UGDH: variants seen among roughly 807,000 people sequenced by gnomAD.
UGDH encodes the protein UDP-Glc dehydrogenase.
In UGDH, 38 loss-of-function variants were observed where a neutral mutation model predicts 50.6. That is an observed-to-expected ratio of 0.75 (90% CI 0.58 to 0.98). The LOEUF (loss-of-function observed/expected upper bound fraction) is 0.98. Ranked by LOEUF, UGDH falls within the 50% of genes least tolerant of loss-of-function variation. UGDH has a pLI of 0.00. For missense variants in UGDH, 465 were observed against 606.2 expected (o/e 0.77, Z 2.45); for synonymous variants, 168 against 199.9 (o/e 0.84, Z 1.35).
chr4:39,512,274 T>C (rs1414741463), intron 3 of UGDH, among the ~76,000 whole-genome samples: 1 of 152,214 alleles, frequency 6.6e-6, no homozygotes, highest in African/African-American at 2.4e-5. Context: ...CTCTCTTCTC[T>C]TGATGAGATT....
rs754095390 is a variant in UGDH, at chr4:39,505,280, T to G, written c.1128A>C (p.Ile376=). 1 of 1,603,280 alleles carries G rather than the reference T, an allele frequency of 6.2e-7. No individual in the cohort carries two copies. Residue 376 remains isoleucine (I), a synonymous_variant, in exon 9 of 12, where the codon ATA becomes ATC. Transcript: ENST00000316423. ...CACCTGGATGAGAAAGATCCACAAC[T>G]ATTTGTTCCCTAGGTACTTTTGGAT... The part of the protein sequence containing the change: ...IYDPKVPREQ[I]VVDLSHPGVS...
intron 11 of UGDH, among the ~76,000 whole-genome samples, chr4:39,502,146 C>G (rs760120639): frequency 2.0e-5 from 3 of 151,960 alleles, no homozygotes; most frequent in African/African-American, 7.3e-5. Context: ...ATGAGTAAAA[C>G]AGGAATGAGA....
chr4:39,524,166 C>G (rs1746783915), intron 1 of UGDH, among the ~76,000 whole-genome samples: 1 of 152,078 alleles, frequency 6.6e-6, no homozygotes, highest in Non-Finnish European at 1.5e-5. Flanking sequence ...AATCTCCTAG[C>G]CAAAAGGTTA....
intron 2 of UGDH, among the ~76,000 whole-genome samples, chr4:39,520,823 C>T (rs1278566475): frequency 6.6e-6 from 1 of 151,650 alleles, no homozygotes; most frequent in African/African-American, 2.4e-5. Context: ...CCTGTAATCC[C>T]AGCACTTTGG....
chr4:39,498,898 C>T lies in UGDH; in HGVS notation c.*1245G>A, dbSNP rs1745685689. On this transcript the variant is annotated 3_prime_UTR_variant, in exon 12 of 12. Coordinates refer to ENST00000316423, the MANE Select transcript of UGDH (RefSeq NM_003359.4). ...CCTGGGATGTTTAATGCAAACTGTA[C>T]ATTCTCAGCAGAGCACAAGTATCAA... The T allele has an allele frequency of 6.6e-6, 1 of 152,102 alleles. No individual in the cohort carries two copies. The highest frequency in any genetic ancestry group is 2.4e-5 in the African/African-American group (1 of 41,394). 9.4% of individuals were successfully genotyped at this position (152,102 alleles called of 1,614,324 possible).
chr4:39,513,625 C>T (rs552582601), intron 3 of UGDH, among the ~76,000 whole-genome samples: 1 of 149,030 alleles, frequency 6.7e-6, no homozygotes, highest in South Asian at 2.1e-4. Flanking sequence ...CAACCTCTGC[C>T]TCCTTGGTTC....
chr4:39,515,637 C>T (rs1746412801), intron 2 of UGDH, among the ~76,000 whole-genome samples: 1 of 151,814 alleles, frequency 6.6e-6, no homozygotes, highest in Non-Finnish European at 1.5e-5. Context: ...ATCTAACTAC[C>T]AATTTACATT....
At chr4:39,504,954 A>G (rs1745970569) in intron 9 of UGDH, among the ~76,000 whole-genome samples, 1 of 152,206 alleles carries the variant, frequency 6.6e-6, no homozygotes, top group South Asian at 2.1e-4. Flanking sequence ...TGCAGTATCA[A>G]TGGGAGTGAT....
Position 39,505,270 on chromosome 4 carries a change from G to A in UGDH, c.1138C>T (p.Leu380Phe). ...TCCTCTGAAACACCTGGATGAGAAAGATCCACAACTATTTGTTCCCTAGGT... is the reference window on the plus strand; with the variant it reads ...TCCTCTGAAACACCTGGATGAGAAAAATCCACAACTATTTGTTCCCTAGGT... ...KVPREQIVVD[L>F]SHPGVSEDDQ... The change falls in exon 9 of 12, where the codon CTT becomes TTT. Residue 380 changes from leucine (L) to phenylalanine (F), a missense_variant. By Grantham distance (22) the Leu-to-Phe change is conservative. Transcript: ENST00000316423. The A allele has an allele frequency of 6.3e-7, 1 of 1,599,652 alleles. No homozygotes were observed. Among genetic ancestry groups the A allele is most frequent in the Non-Finnish European group, 8.5e-7 (1 of 1,175,546 alleles).
Position 39,510,535 on chromosome 4 carries a change from C to A in UGDH, c.481G>T (p.Glu161Ter). 1 of 1,614,152 alleles carries A rather than the reference C, an allele frequency of 6.2e-7. No homozygotes were observed. The highest frequency in any genetic ancestry group is 8.5e-7 in the Non-Finnish European group (1 of 1,180,016). ...ATGGCTGTTCCCTCTGCCAGAAACT[C>A]AGGGTTGGACAGCACCTAGAATCCC... ...NLNLQVLSNPEFLAEGTAIKD... is the reference protein window; with the variant it reads ...NLNLQVLSNP The change falls in exon 5 of 12, where the codon GAG (glutamate) becomes TAG (stop). Residue 161 changes from glutamate to a stop codon, truncating the protein, a stop_gained. Coordinates refer to ENST00000316423, the MANE Select transcript of UGDH (RefSeq NM_003359.4). LOFTEE classifies it high-confidence loss of function.
chr4:39,505,184 TA>T, intron 9 of UGDH, 52 bp downstream of exon 9: 1 of 1,551,412 alleles, frequency 6.4e-7, no homozygotes. Context: ...TTCCAAAAGA[TA>T]AAAAGTTTTC....
intron 2 of UGDH, 37 bp from the exon 3 acceptor site, chr4:39,514,221 T>A: frequency 6.8e-7 from 1 of 1,461,086 alleles, no homozygotes; most frequent in Non-Finnish European, 9.4e-7. Context: ...TACATATAGC[T>A]TGCCAGTGAT....
At chr4:39,521,599 T>C (rs1184891640) in intron 1 of UGDH, 80 bp from the exon 2 acceptor site, 2 of 1,176,310 alleles carry the variant, frequency 1.7e-6, no homozygotes, top group East Asian at 3.0e-5. Flanking sequence ...AATTATACTT[T>C]ATAAAAACTG....
At position 39,521,440 on chromosome 4, in the gene UGDH, G is replaced by A. The variant is rs1746657518; in HGVS notation, c.73C>T (p.His25Tyr). ...GTTACCCTGATTTCAGGACACATAT[G>A]AGCAATGACACTACATGTGGGTCCT... ...VGGPTCSVIA[H>Y]MCPEIRVTVV... Residue 25 changes from histidine to tyrosine, a missense_variant, in exon 2 of 12, where the codon CAT (histidine) becomes TAT (tyrosine). Transcript: ENST00000316423. 1.9e-6 allele frequency: 3 copies of A among 1,613,238 alleles called. No homozygotes were observed. In the South Asian group the frequency reaches 3.3e-5, roughly 18 times the overall value.
At chr4:39,502,571 A>T (rs1745862164) in intron 11 of UGDH, among the ~76,000 whole-genome samples, 1 of 151,978 alleles carries the variant, frequency 6.6e-6, no homozygotes, top group Non-Finnish European at 1.5e-5. Context: ...ATTCTCCCTA[A>T]CTTACTCCAC....
At chr4:39,509,734 T>C (rs769921309) in intron 6 of UGDH, 26 bp downstream of exon 6, 3 of 1,596,860 alleles carry the variant, frequency 1.9e-6, no homozygotes, top group African/African-American at 2.7e-5. Flanking sequence ...ACTAGCTCTT[T>C]CTACTAGAGA....
rs10019532 is a variant in UGDH at position 39,514,116 on chromosome 4, A to G, written c.231T>C (p.Asp77=). The part of the protein sequence containing the change: ...KNLFFSTNID[D]AIKEADLVFI... ...ATACAAGATCAGCTTCTTTGATGGC[A>G]TCATCAATATTGGTAGAAAAAAAAA... The change falls in exon 3 of 12, where the codon GAT becomes GAC. Residue 77 remains aspartate (D), a synonymous_variant. Coordinates refer to ENST00000316423, the MANE Select transcript of UGDH (RefSeq NM_003359.4). 0.13 allele frequency: 200,941 copies of G among 1,586,988 alleles called. 19,509 individuals carry two copies. Among genetic ancestry groups the G allele is most frequent in the African/African-American group, 0.44 (31,681 of 72,720 alleles).
rs75059170 is a variant in UGDH, at chr4:39,520,588, T to C, written c.162+763A>G. ...ATTTTGAAATTCCAGTTAAAAATAT[T>C]TGTGGCACCAAACTCTAAATATGAA... On this transcript the variant is annotated intron_variant, in intron 2 of 11. Transcript: ENST00000316423. 8.6e-3 allele frequency among the ~76,000 whole-genome samples: 1,314 copies of C among 152,134 alleles called. 16 individuals are homozygous for C. The highest frequency in any genetic ancestry group is 0.03 in the African/African-American group (1,242 of 41,554).
chr4:39,505,801 T>G (rs373004819), intron 7 of UGDH, 53 bp from the exon 8 acceptor site: 57 of 1,539,546 alleles, frequency 3.7e-5, no homozygotes, highest in East Asian at 3.2e-4. Flanking sequence ...GCACAGCCTA[T>G]GACACACATT....
Sources: allele counts gnomAD v4.1 joint callset (sites outside exome capture counted in the v4.1 genomes callset), GRCh38; gene constraint gnomAD v4.1.1; transcripts MANE v1.5; gene names NCBI Gene and HGNC (gene_info 2026-07-23, HGNC 2026-07-21).